The following DST variants were observed in gnomAD, a reference collection of about 807,000 sequenced individuals.
DST encodes the protein bullous pemphigoid antigen.
In DST, 253 loss-of-function variants were observed where a neutral mutation model predicts 875.2. That is an observed-to-expected ratio of 0.29 (90% CI 0.26 to 0.32). The LOEUF is 0.32. Ranked by LOEUF, DST falls within the 10% of genes least tolerant of loss-of-function variation. The probability of loss-of-function intolerance (pLI) is 1.00; values close to 1 mark genes in which losing one functional copy is unlikely to be tolerated. For synonymous variants in DST, 3,124 were observed against 3,197.1 expected (o/e 0.98, Z 0.77); for missense variants, 8,287 against 9,111.6 (o/e 0.91, Z 3.68).
chr6:56,919,545 A>T (rs530114630), intron 2 of DST, among the ~76,000 whole-genome samples: 248 of 152,338 alleles, frequency 1.6e-3, no homozygotes, highest in Admixed American at 2.5e-3. Flanking sequence ...AAAAGATTTT[A>T]AAAAGAACCC....
intron 4 of DST, among the ~76,000 whole-genome samples, chr6:56,839,909 T>C (rs991217255): frequency 1.3e-5 from 2 of 152,116 alleles, no homozygotes; most frequent in African/African-American, 2.4e-5. Context: ...GGGTTAGTGA[T>C]ATTACAGGTA....
intron 72 of DST, among the ~76,000 whole-genome samples, chr6:56,514,786 T>A (rs1188250729): frequency 6.6e-6 from 1 of 152,172 alleles, no homozygotes; most frequent in Non-Finnish European, 1.5e-5. Context: ...TTAAGCCATA[T>A]TAACAATTAA....
Position 56,686,929 on chromosome 6 carries a change from A to G in DST, c.1047+12724T>C, listed in dbSNP as rs953234473. On this transcript the variant is annotated intron_variant, in intron 9 of 103. Transcript: ENST00000680361. The stretch of plus-strand genomic sequence containing the variant: ...AATCCTCAAAACAAGAAACCACCCC[A>G]ATTTTAAGGATGGGAATAATAAGAC... Among the ~76,000 whole-genome samples the G allele has an allele frequency of 2.6e-5, 4 of 152,186 alleles. No individual in the cohort carries two copies. In the South Asian group the frequency reaches 8.3e-4, roughly 31 times the overall value.
Position 56,703,857 on chromosome 6 carries a change from G to A in DST, c.778-111C>T, listed in dbSNP as rs558452713. Reference sequence around the variant, plus strand: ...GAAGGAGAACAGGTAACAAGAAGGGGAAGTAATGTTCACCAAAAAAAAAAA... The same window carrying A: ...GAAGGAGAACAGGTAACAAGAAGGGAAAGTAATGTTCACCAAAAAAAAAAA... On this transcript the variant is annotated intron_variant, in intron 6 of 103. Coordinates refer to ENST00000680361, the MANE Select transcript of DST (RefSeq NM_001374736.1). 4.4e-4 allele frequency: 86 copies of A among 195,814 alleles called. 1 individual carries two copies. The highest frequency in any genetic ancestry group is 1.4e-4 in the Admixed American group (2 of 14,790). The allele number at this position is 195,814 out of a possible 1,614,324, so 12.1% of individuals were successfully genotyped here.
chr6:56,620,662 C>T lies in DST; in HGVS notation c.4929+3868G>A, dbSNP rs201297384. On this transcript the variant is annotated intron_variant, in intron 36 of 103. Transcript: ENST00000680361. ...TCTCAAGCACTGTTGCCTTCTGACGCTGAAGCAGATCTGAATATGCCCCAT... is the reference window on the plus strand; with the variant it reads ...TCTCAAGCACTGTTGCCTTCTGACGTTGAAGCAGATCTGAATATGCCCCAT... The T allele has an allele frequency of 1.4e-5, 22 of 1,614,014 alleles. No individual in the cohort carries two copies. In the Admixed American group the frequency reaches 3.3e-4, roughly 24 times the overall value.
At chr6:56,565,174 G>A (rs1174775276) in intron 55 of DST, among the ~76,000 whole-genome samples, 1 of 144,088 alleles carries the variant, frequency 6.9e-6, no homozygotes, top group Non-Finnish European at 1.5e-5. Context: ...AGGCTGGAGT[G>A]CAGTGGCACA....
intron 36 of DST, among the ~76,000 whole-genome samples, chr6:56,617,782 T>G (rs918433600): frequency 1.3e-5 from 2 of 152,186 alleles, no homozygotes; most frequent in Non-Finnish European, 2.9e-5. Flanking sequence ...GTATGTTTAA[T>G]CTCAAACATT....
At chr6:56,947,953 A>ATAC (rs56064052) in intron 2 of DST, among the ~76,000 whole-genome samples, 1 of 152,244 alleles carries the variant, frequency 6.6e-6, no homozygotes, top group African/African-American at 2.4e-5. Flanking sequence ...TTTCCTATAC[A>ATAC]AACACACCTA....
At chr6:56,923,499 G>A (rs370404537) in intron 2 of DST, among the ~76,000 whole-genome samples, 1 of 150,070 alleles carries the variant, frequency 6.7e-6, no homozygotes, top group East Asian at 1.9e-4. Context: ...TCCTGATGTA[G>A]GGTGTATTAG....
At chr6:56,475,829 G>C (rs2095160333) in intron 92 of DST, among the ~76,000 whole-genome samples, 1 of 152,216 alleles carries the variant, frequency 6.6e-6, no homozygotes, top group Non-Finnish European at 1.5e-5. Flanking sequence ...GAGAGAAATA[G>C]AGAGCTGAGG....
chr6:56,822,751 T>A (rs1023042137), intron 4 of DST, among the ~76,000 whole-genome samples: 1 of 152,088 alleles, frequency 6.6e-6, no homozygotes, highest in Admixed American at 6.5e-5. Flanking sequence ...CCTTTTATAT[T>A]TAGAGGTTCT....
At chr6:56,932,690 G>A (rs1810963767) in intron 2 of DST, among the ~76,000 whole-genome samples, 1 of 151,860 alleles carries the variant, frequency 6.6e-6, no homozygotes, top group South Asian at 2.1e-4. Context: ...CATGCCAGAT[G>A]CCACACAAGG....
In DST at chr6:56,555,624, G is replaced by T. The variant is rs1229130721; in HGVS notation, c.14857C>A (p.Gln4953Lys). The part of the protein sequence containing the change: ...DQAIVKSTQY[Q>K]SLLRSLSDKL... ...TCAGAAAGGCTTCTCAGCAGGCTTT[G>T]ATACTGTGTGCTTTTAACAATGGCT... is the stretch of plus-strand genomic sequence containing the variant. The change falls in exon 60 of 104, where the codon CAA (glutamine) becomes AAA (lysine). Residue 4953 changes from glutamine to lysine, a missense_variant. By Grantham distance (53) the Gln-to-Lys change is moderately conservative. Around this residue, in one of 10 missense-constraint regions of DST, gnomAD observed 1,513 missense variants for 1,677.8 expected, o/e 0.90. Transcript: ENST00000680361. The T allele has an allele frequency of 6.2e-7, 1 of 1,613,862 alleles. No homozygotes were observed. Among genetic ancestry groups the T allele is most frequent in the Non-Finnish European group, 8.5e-7 (1 of 1,179,892 alleles).
chr6:56,653,603 T>C (rs1396033413), intron 10 of DST, among the ~76,000 whole-genome samples: 1 of 152,110 alleles, frequency 6.6e-6, no homozygotes, highest in Non-Finnish European at 1.5e-5. Context: ...GAGGATCACT[T>C]GAACCCAGGA....
At chr6:56,684,306 T>C (rs2099170166) in intron 9 of DST, among the ~76,000 whole-genome samples, 1 of 152,236 alleles carries the variant, frequency 6.6e-6, no homozygotes, top group Non-Finnish European at 1.5e-5. Context: ...GCAATTTTTA[T>C]TTTTAAACAT....
At chr6:56,751,567 A>T (rs1234263947) in intron 4 of DST, among the ~76,000 whole-genome samples, 1 of 152,138 alleles carries the variant, frequency 6.6e-6, no homozygotes, top group Admixed American at 6.6e-5. Context: ...TTGAACATAC[A>T]GGGTTAAAGC....
intron 4 of DST, among the ~76,000 whole-genome samples, chr6:56,816,742 T>C (rs1412700042): frequency 6.6e-6 from 1 of 152,114 alleles, no homozygotes; most frequent in Non-Finnish European, 1.5e-5. Flanking sequence ...TGGTCTATGT[T>C]TCCCTTAATT....
chr6:56,572,347 T>A (rs186365538), intron 52 of DST, 81 bp from the exon 53 acceptor site: 3 of 888,342 alleles, frequency 3.4e-6, no homozygotes, highest in Admixed American at 6.5e-5. Flanking sequence ...CTGTGCGGGA[T>A]CAGAATGGCT....
Position 56,607,125 on chromosome 6 carries a change from T to A in DST, c.7503A>T (p.Pro2501=). The A allele has an allele frequency of 6.2e-7, 1 of 1,613,418 alleles. No homozygotes were observed. The highest frequency in any genetic ancestry group is 1.1e-5 in the South Asian group (1 of 91,070). The change falls in exon 40 of 104, where the codon CCA becomes CCT. Residue 2501 remains proline, a synonymous_variant. Coordinates refer to ENST00000680361, the MANE Select transcript of DST (RefSeq NM_001374736.1). ...AAGATTTCTGTCCATACTGCTCTCC[T>A]GGTAAACTGATGTTAATAGCTGCAA... ...LGIAAINISL[P]GEQYGQKSLN...
Sources: allele counts gnomAD v4.1 joint callset (sites outside exome capture counted in the v4.1 genomes callset), GRCh38; gene constraint gnomAD v4.1.1; regional missense constraint gnomAD v4.1.1; transcripts MANE v1.5; gene names NCBI Gene and HGNC (gene_info 2026-07-23, HGNC 2026-07-21).